Variants in CAMTA1 observed in about 807,000 individuals in gnomAD.
CAMTA1 encodes calmodulin binding transcription activator 1.
Under a neutral mutation model 170.9 loss-of-function variants are expected in CAMTA1, and 27 were observed. The observed-to-expected ratio is 0.16, with a 90% CI of 0.12 to 0.22. The LOEUF (loss-of-function observed/expected upper bound fraction) is 0.22. Among genes scored for constraint, CAMTA1 ranks in the 10% least tolerant of loss-of-function variants. The probability of loss-of-function intolerance (pLI) is 1.00; values close to 1 mark genes in which losing one functional copy is unlikely to be tolerated. For missense variants in CAMTA1, 1,619 were observed against 2,217.2 expected (o/e 0.73, Z 5.42); for synonymous variants, 833 against 891.5 (o/e 0.93, Z 1.17).
At chr1:7,717,359 T>C (rs1177701962) in intron 11 of CAMTA1, among the ~76,000 whole-genome samples, 2 of 152,194 alleles carry the variant, frequency 1.3e-5, no homozygotes, top group African/African-American at 2.4e-5. Flanking sequence ...GTAGTACATT[T>C]GTTAATTAGC....
chr1:7,280,596 C>T (rs544451653), intron 5 of CAMTA1, among the ~76,000 whole-genome samples: 3 of 152,330 alleles, frequency 2.0e-5, no homozygotes, highest in East Asian at 1.9e-4. Flanking sequence ...CATGTGGCAC[C>T]GGTTTGCAGT....
chr1:7,102,023 AACACACACACACACACACACACAC>A (rs57209159), intron 4 of CAMTA1, among the ~76,000 whole-genome samples: 50,553 of 148,770 alleles, frequency 0.34, 9,122 homozygotes, highest in South Asian at 0.45. Context: ...ATAAATACAC[AACACACACACACACACACACACAC>A]ACACACACAC....
chr1:7,304,313 A>G (rs1299124574), intron 5 of CAMTA1, among the ~76,000 whole-genome samples: 1 of 152,238 alleles, frequency 6.6e-6, no homozygotes, highest in Non-Finnish European at 1.5e-5. Flanking sequence ...TAAATTAATG[A>G]ACATTCTGTT....
At chr1:7,620,748 C>T (rs140048051) in intron 6 of CAMTA1, among the ~76,000 whole-genome samples, 25 of 152,202 alleles carry the variant, frequency 1.6e-4, no homozygotes, top group African/African-American at 6.0e-4. Flanking sequence ...AGTAGAGAAG[C>T]TATGATTTAG....
At chr1:7,531,660 G>T (rs1029246236) in intron 6 of CAMTA1, among the ~76,000 whole-genome samples, 16 of 152,218 alleles carry the variant, frequency 1.1e-4, no homozygotes, top group Non-Finnish European at 2.4e-4. Flanking sequence ...CCTCCCTCTC[G>T]CCAGGTCCAC....
chr1:7,122,747 G>A (rs1268543273), intron 4 of CAMTA1, among the ~76,000 whole-genome samples: 1 of 152,050 alleles, frequency 6.6e-6, no homozygotes, highest in Non-Finnish European at 1.5e-5. Context: ...CCCACCCTGC[G>A]CCTCCCATGC....
At chr1:7,228,458 G>T (rs1662109942) in intron 4 of CAMTA1, among the ~76,000 whole-genome samples, 2 of 152,334 alleles carry the variant, frequency 1.3e-5, no homozygotes, top group Non-Finnish European at 1.5e-5. Context: ...TGCTCAGCAG[G>T]TGTGGGCTCT....
intron 5 of CAMTA1, among the ~76,000 whole-genome samples, chr1:7,375,844 C>T (rs931555096): frequency 6.6e-6 from 1 of 152,252 alleles, no homozygotes; most frequent in Admixed American, 6.5e-5. Flanking sequence ...CTGGCTTCTT[C>T]TAAGTCACCC....
intron 1 of CAMTA1, among the ~76,000 whole-genome samples, chr1:6,809,444 A>G (rs1378023086): frequency 2.0e-5 from 3 of 151,628 alleles, no homozygotes; most frequent in Admixed American, 6.6e-5. Context: ...TTTTTTCTTC[A>G]TTGTTCTTCC....
chr1:7,189,351 A>G (rs1654081085), intron 4 of CAMTA1, among the ~76,000 whole-genome samples: 1 of 152,222 alleles, frequency 6.6e-6, no homozygotes, highest in African/African-American at 2.4e-5. Flanking sequence ...TTGCTAAGTG[A>G]AAAAAATCAA....
intron 3 of CAMTA1, among the ~76,000 whole-genome samples, chr1:6,914,628 A>T (rs1680409586): frequency 6.6e-6 from 1 of 152,154 alleles, no homozygotes; most frequent in Admixed American, 6.5e-5. Flanking sequence ...CCACTGGTGG[A>T]ACCTATTCCC....
At chr1:7,639,468 G>A (rs1490647812) in intron 6 of CAMTA1, among the ~76,000 whole-genome samples, 4 of 152,176 alleles carry the variant, frequency 2.6e-5, no homozygotes, top group African/African-American at 7.2e-5. Context: ...TGCCCCCTGG[G>A]TATTGCTTAG....
intron 4 of CAMTA1, among the ~76,000 whole-genome samples, chr1:7,125,328 A>G (rs992964617): frequency 2.6e-5 from 4 of 152,172 alleles, no homozygotes; most frequent in African/African-American, 9.7e-5. Context: ...TCATCCATTC[A>G]TCAGGTGTTG....
intron 3 of CAMTA1, among the ~76,000 whole-genome samples, chr1:6,990,803 CTCTA>C (rs984426515): frequency 1.3e-4 from 17 of 129,610 alleles, no homozygotes; most frequent in Admixed American, 3.9e-4. Flanking sequence ...CTCTCTCTCT[CTCTA>C]TATATATATA....
chr1:7,692,352 C>A (rs2096325503), intron 11 of CAMTA1, among the ~76,000 whole-genome samples: 1 of 152,076 alleles, frequency 6.6e-6, no homozygotes, highest in African/African-American at 2.4e-5. Flanking sequence ...CCTGGAGCTG[C>A]TCAGCCCTCT....
chr1:7,129,781 G>A (rs1163764774), intron 4 of CAMTA1, among the ~76,000 whole-genome samples: 1 of 152,130 alleles, frequency 6.6e-6, no homozygotes, highest in Non-Finnish European at 1.5e-5. Flanking sequence ...TGTGCCTTGT[G>A]TAACTCATCC....
intron 5 of CAMTA1, among the ~76,000 whole-genome samples, chr1:7,386,763 A>T (rs1229360328): frequency 6.6e-6 from 1 of 152,214 alleles, no homozygotes; most frequent in Non-Finnish European, 1.5e-5. Flanking sequence ...CTAAGAAGTC[A>T]GTAGGAAAAT....
chr1:7,070,715 G>A (rs1039351657), intron 3 of CAMTA1, among the ~76,000 whole-genome samples: 13 of 152,198 alleles, frequency 8.5e-5, no homozygotes, highest in African/African-American at 3.1e-4. Context: ...TTATAGGGAG[G>A]GGACCAGAGA....
At chr1:7,485,679 C>A (rs1254166477) in intron 6 of CAMTA1, among the ~76,000 whole-genome samples, 1 of 152,192 alleles carries the variant, frequency 6.6e-6, no homozygotes, top group Non-Finnish European at 1.5e-5. Context: ...CCTTCCCCAC[C>A]AGGCGAGGCA....
Sources: allele counts gnomAD v4.1 joint callset (sites outside exome capture counted in the v4.1 genomes callset), GRCh38; gene constraint gnomAD v4.1.1; transcripts MANE v1.5; gene names NCBI Gene and HGNC (gene_info 2026-07-23, HGNC 2026-07-21).